The following ARHGAP25 variants were observed in gnomAD, a reference collection of about 807,000 sequenced individuals.
ARHGAP25 encodes the protein Rho GTPase activating protein 25.
In ARHGAP25, 34 loss-of-function variants were observed where a neutral mutation model predicts 71.0. The ratio of observed to expected loss-of-function variants is 0.48; its 90% CI spans 0.36 to 0.64. The LOEUF (loss-of-function observed/expected upper bound fraction) is 0.64. Ranked by LOEUF, ARHGAP25 falls within the 30% of genes least tolerant of loss-of-function variation. The pLI, the probability that ARHGAP25 is intolerant of heterozygous loss-of-function variation, is 0.00. For missense variants in ARHGAP25, 706 were observed against 805.1 expected, an observed-to-expected ratio of 0.88 and a Z score of 1.49; for synonymous variants, 282 against 296.5, an observed-to-expected ratio of 0.95 and a Z score of 0.50.
chr2:68,731,593 C>G (rs549560807), upstream of ARHGAP25, among the ~76,000 whole-genome samples: 6 of 152,268 alleles, frequency 3.9e-5, no homozygotes, highest in African/African-American at 1.4e-4. Flanking sequence ...GACTATCTCT[C>G]CAGCTTCGTT....
At position 68,826,659 on chromosome 2, in the gene ARHGAP25, G is replaced by C. The variant is rs1385057146; in HGVS notation, c.*465G>C. The C allele has an allele frequency of 8.1e-6, 2 of 246,112 alleles. No individual in the cohort carries two copies. Among genetic ancestry groups the C allele is most frequent in the Non-Finnish European group, 1.6e-5 (2 of 122,468 alleles). The allele number at this position is 246,112 out of a possible 1,614,324, so 15.2% of individuals were successfully genotyped here. On this transcript the variant is annotated 3_prime_UTR_variant, in exon 11 of 11. Coordinates refer to ENST00000409202, the MANE Select transcript of ARHGAP25 (RefSeq NM_001007231.3). ...CCTCATCCATGGAGTGCTGTGTTTG[G>C]GGGGCTGCATCTGCTGAAGCGAGAA...
At chr2:68,735,711 A>G (rs1675178201) in intron 1 of ARHGAP25, among the ~76,000 whole-genome samples, 1 of 152,228 alleles carries the variant, frequency 6.6e-6, no homozygotes, top group African/African-American at 2.4e-5. Context: ...AAAAGGTAGT[A>G]GCAAAAGGTA....
In ARHGAP25 at chr2:68,726,496, A is replaced by G. The variant is rs1287332865; in HGVS notation, c.-18+15798A>G. ...GGGAACGAATTTCCCATATAAATAG[A>G]CATTTCCCTTCCTGAGCCCATCATT... On this transcript the variant is annotated intron_variant and NMD_transcript_variant, in intron 2 of 7. Transcript: ENST00000463483. Among the ~76,000 whole-genome samples the G allele has an allele frequency of 2.6e-5, 4 of 152,232 alleles. No homozygotes were observed. In the East Asian group the frequency reaches 7.7e-4, roughly 29 times the overall value.
intron 1 of ARHGAP25, among the ~76,000 whole-genome samples, chr2:68,742,042 C>G (rs955711972): frequency 4.1e-4 from 62 of 152,324 alleles, no homozygotes; most frequent in African/African-American, 1.4e-3. Flanking sequence ...TGATGCTCAA[C>G]TTTGCTACTA....
chr2:68,729,932 T>G (rs937922283), upstream of ARHGAP25, among the ~76,000 whole-genome samples: 3 of 152,250 alleles, frequency 2.0e-5, no homozygotes, highest in Admixed American at 6.5e-5. Context: ...TATCCAGATA[T>G]TTAGCTATAA....
intron 1 of ARHGAP25, among the ~76,000 whole-genome samples, chr2:68,771,301 C>T (rs1558625544): frequency 6.6e-6 from 1 of 152,190 alleles, no homozygotes; most frequent in South Asian, 2.1e-4. Context: ...CCTGCAGCCC[C>T]CTCTCCAACC....
At chr2:68,770,125 G>A (rs950961925) in intron 1 of ARHGAP25, among the ~76,000 whole-genome samples, 3 of 152,140 alleles carry the variant, frequency 2.0e-5, no homozygotes, top group East Asian at 1.9e-4. Flanking sequence ...AGAGACCAGC[G>A]GAGGTAAAGC....
At chr2:68,814,939 T>C (rs1204960385) in intron 6 of ARHGAP25, among the ~76,000 whole-genome samples, 1 of 152,228 alleles carries the variant, frequency 6.6e-6, no homozygotes, top group Non-Finnish European at 1.5e-5. Flanking sequence ...TATACTGGTA[T>C]ATCTGCTCAC....
intron 1 of ARHGAP25, chr2:68,735,533 C>A: frequency 1.9e-6 from 1 of 536,500 alleles, no homozygotes; most frequent in Non-Finnish European, 3.3e-6. Flanking sequence ...AGACTACACA[C>A]AAAACTGTGA....
intron 4 of ARHGAP25, among the ~76,000 whole-genome samples, chr2:68,791,590 G>A (rs1477630573): frequency 6.6e-6 from 1 of 151,988 alleles, no homozygotes; most frequent in Non-Finnish European, 1.5e-5. Context: ...ACTCTCCCCA[G>A]AAAAATACCT....
At position 68,822,364 on chromosome 2, in the gene ARHGAP25, C is replaced by A. The variant is rs1251632387; in HGVS notation, c.1225C>A (p.Pro409Thr). Residue 409 changes from proline to threonine, a missense_variant, in exon 10 of 11, where the codon CCC becomes ACC. By Grantham distance (38) the Pro-to-Thr change is conservative. Coordinates refer to ENST00000409202, the MANE Select transcript of ARHGAP25 (RefSeq NM_001007231.3). ...SMTSDSDTTS[P>T]TGQQPSDAFP... Reference sequence around the variant, plus strand: ...GACAAGCGACTCTGATACAACCAGCCCCACCGGACAGCAGCCGAGCGATGC... The same window carrying A: ...GACAAGCGACTCTGATACAACCAGCACCACCGGACAGCAGCCGAGCGATGC... 3.1e-6 allele frequency: 5 copies of A among 1,613,806 alleles called. No individual in the cohort carries two copies. The highest frequency in any genetic ancestry group is 4.2e-6 in the Non-Finnish European group (5 of 1,179,938).
chr2:68,826,485 T>C lies in ARHGAP25; in HGVS notation c.*291T>C, dbSNP rs1305977687. Reference sequence around the variant, plus strand: ...GTGAAGACATTTGAGGCAGCACATCTCAGGACCCAGGCAATAGACTGGCCC... The same window carrying C: ...GTGAAGACATTTGAGGCAGCACATCCCAGGACCCAGGCAATAGACTGGCCC... On this transcript the variant is annotated 3_prime_UTR_variant, in exon 11 of 11. Coordinates refer to ENST00000409202, the MANE Select transcript of ARHGAP25 (RefSeq NM_001007231.3). 1 of 490,648 alleles carries C rather than the reference T, an allele frequency of 2.0e-6. No homozygotes were observed. 30.4% of individuals were successfully genotyped at this position (490,648 alleles called of 1,614,324 possible).
intron 1 of ARHGAP25, among the ~76,000 whole-genome samples, chr2:68,760,159 A>G (rs1558618983): frequency 6.6e-6 from 1 of 152,036 alleles, no homozygotes. Flanking sequence ...AAAAACACTC[A>G]ATAAACCAGG....
rs868144894 is a variant in ARHGAP25 at position 68,761,003 on chromosome 2, C to A, written c.62-14218C>A. Among the ~76,000 whole-genome samples the A allele has an allele frequency of 6.1e-4, 93 of 151,380 alleles. No homozygotes were observed. The Middle Eastern group carries it at 0.014, about 23-fold the overall frequency. On this transcript the variant is annotated intron_variant, in intron 1 of 10. Transcript: ENST00000409202. ...AAACAGTGTAGTAATGGCATAAAGA[C>A]AGAAACAGATGAATGGAATAGAATA...
At chr2:68,734,075 G>A (rs1325179622), upstream of ARHGAP25, among the ~76,000 whole-genome samples, 1 of 152,212 alleles carries the variant, frequency 6.6e-6, no homozygotes, top group African/African-American at 2.4e-5. Context: ...GCTTGTCACA[G>A]AACTGAACTA....
At chr2:68,823,425 A>G (rs528703616) in intron 10 of ARHGAP25, among the ~76,000 whole-genome samples, 20 of 152,334 alleles carry the variant, frequency 1.3e-4, no homozygotes, top group African/African-American at 3.4e-4. Flanking sequence ...ATGGGTTCCA[A>G]TGTAAAATAG....
intron 1 of ARHGAP25, among the ~76,000 whole-genome samples, chr2:68,773,757 A>G (rs1677643719): frequency 1.3e-5 from 2 of 152,188 alleles, no homozygotes; most frequent in Admixed American, 1.3e-4. Flanking sequence ...TGAAGAGGGA[A>G]GTTGAAGAAG....
At chr2:68,766,426 T>C (rs887357479) in intron 1 of ARHGAP25, among the ~76,000 whole-genome samples, 2 of 152,178 alleles carry the variant, frequency 1.3e-5, no homozygotes, top group Non-Finnish European at 2.9e-5. Context: ...AGCTTCTTGT[T>C]ATTACACGTG....
rs114596847 is a variant in ARHGAP25 at position 68,815,349 on chromosome 2, G to C, written c.808-940G>C. On this transcript the variant is annotated intron_variant, in intron 6 of 10. Coordinates refer to ENST00000409202, the MANE Select transcript of ARHGAP25 (RefSeq NM_001007231.3). ...GGTCTATATCTACGGAAGCTGCTGC[G>C]TGTAGGCTGACAAGGCTGGAGGGTG... Among the ~76,000 whole-genome samples the C allele has an allele frequency of 3.4e-3, 522 of 152,004 alleles. 2 individuals carry two copies. Among genetic ancestry groups the C allele is most frequent in the African/African-American group, 0.012 (502 of 41,474 alleles).
Sources: gnomAD v4.1 joint callset for allele counts (sites outside exome capture counted in the v4.1 genomes callset) on GRCh38, gnomAD v4.1.1 for gene constraint, MANE v1.5 for transcripts, NCBI Gene and HGNC (gene_info 2026-07-23, HGNC 2026-07-21) for gene names.